The following IL4I1 variants were observed in gnomAD, a reference collection of about 807,000 sequenced individuals.
The protein encoded by IL4I1 is L-amino-acid oxidase.
Under a neutral mutation model 29.7 loss-of-function variants are expected in IL4I1, and 24 were observed. The observed-to-expected ratio is 0.81, with a 90% CI of 0.59 to 1.14. The LOEUF (loss-of-function observed/expected upper bound fraction) is 1.14. Ranked by LOEUF, IL4I1 falls within the 50% of genes most tolerant of loss-of-function variation. The pLI is 0.00. For synonymous variants in IL4I1, 371 were observed against 352.5 expected (o/e 1.05, Z -0.59); for missense variants, 686 against 785.6 (o/e 0.87, Z 1.52).
intron 2 of IL4I1, chr19:49,908,133 A>C (rs1017075889): frequency 4.6e-6 from 7 of 1,526,098 alleles, no homozygotes; most frequent in Admixed American, 2.0e-5. Flanking sequence ...TGTGAAAGAA[A>C]GAAACAAACA....
intron 2 of IL4I1, among the ~76,000 whole-genome samples, chr19:49,916,624 C>A (rs2075630660): frequency 6.6e-6 from 1 of 151,776 alleles, no homozygotes. Context: ...ATTAGCCAGG[C>A]GTGGTGGTGG....
At chr19:49,895,745 G>T in intron 3 of IL4I1, 70 bp downstream of exon 3, 3 of 1,384,858 alleles carry the variant, frequency 2.2e-6, no homozygotes, top group Non-Finnish European at 3.1e-6. Flanking sequence ...ACGCGGCCGT[G>T]TCCCTGTGCC....
At chr19:49,905,618 C>T (rs903570574) in intron 2 of IL4I1, among the ~76,000 whole-genome samples, 6 of 152,224 alleles carry the variant, frequency 3.9e-5, no homozygotes, top group Middle Eastern at 3.4e-3. Flanking sequence ...TTATTTGAGA[C>T]GAAGTTTCGC....
chr19:49,911,888 G>A (rs1300341611), intron 2 of IL4I1, among the ~76,000 whole-genome samples: 1 of 152,196 alleles, frequency 6.6e-6, no homozygotes, highest in Admixed American at 6.6e-5. Flanking sequence ...GCTGGGGCCT[G>A]GCCCGGCCTA....
rs2075175881 is a variant in IL4I1 at position 49,894,268 on chromosome 19, C to T, written c.567G>A (p.Gln189=). ...PEDIYQMALN[Q]ALKDLKALGC... is the part of the protein sequence containing the mutation. ...GGAGGAGGGTGCAGGCGGTACCCAC[C>T]TGGTTGAGAGCCATCTGGTAGATGT... is the stretch of plus-strand genomic sequence containing the variant. The change falls in exon 5 of 8, where the codon CAG becomes CAA. Residue 189 remains glutamine, a splice_region_variant and synonymous_variant. Transcript: ENST00000391826. 1 of 1,613,092 alleles carries T rather than the reference C, an allele frequency of 6.2e-7. No individual in the cohort carries two copies. The highest frequency in any genetic ancestry group is 8.5e-7 in the Non-Finnish European group (1 of 1,179,636).
intron 2 of IL4I1, among the ~76,000 whole-genome samples, chr19:49,919,684 C>T (rs530438247): frequency 6.6e-6 from 1 of 152,288 alleles, no homozygotes; most frequent in Admixed American, 6.5e-5. Context: ...GCTCTGGTCG[C>T]AGGACCAACA....
At chr19:49,919,765 G>A (rs894053328) in intron 2 of IL4I1, among the ~76,000 whole-genome samples, 2 of 151,120 alleles carry the variant, frequency 1.3e-5, no homozygotes, top group Non-Finnish European at 2.9e-5. Flanking sequence ...GCCAGAGAGA[G>A]ATTTTAAGGA....
intron 2 of IL4I1, among the ~76,000 whole-genome samples, chr19:49,925,196 G>A (rs1382788939): frequency 6.6e-6 from 1 of 152,158 alleles, no homozygotes; most frequent in Non-Finnish European, 1.5e-5. Flanking sequence ...AGGAGGCAGA[G>A]GTTGCGGTGA....
In IL4I1 at chr19:49,891,013, G is replaced by C; in HGVS notation, c.731C>G (p.Ala244Gly). ...GCAGCTGTGGGCCCGGAGGGCCTCG[G>C]CGAAGCTGAGATAGAAGAAGCCATC... Reference protein sequence around the residue: ...SEDGFFYLSFAEALRAHSCLS... With the variant: ...SEDGFFYLSFGEALRAHSCLS... The change falls in exon 7 of 8, where the codon GCC becomes GGC. Residue 244 changes from alanine to glycine, a missense_variant. Physicochemically the swap from Ala to Gly is moderately conservative, Grantham distance 60 (BLOSUM62 0). Coordinates refer to ENST00000391826, the MANE Select transcript of IL4I1 (RefSeq NM_152899.2). The C allele has an allele frequency of 6.2e-7, 1 of 1,608,028 alleles. No individual in the cohort carries two copies. Among genetic ancestry groups the C allele is most frequent in the Non-Finnish European group, 8.5e-7 (1 of 1,177,872 alleles).
At chr19:49,908,548 G>A in intron 2 of IL4I1, 1 of 1,614,170 alleles carries the variant, frequency 6.2e-7, no homozygotes, top group South Asian at 1.1e-5. Context: ...GCAGGTAGAT[G>A]GTCCCGCTCT....
At position 49,894,394 on chromosome 19, in the gene IL4I1, C is replaced by T. The variant is rs779355135; in HGVS notation, c.441G>A (p.Thr147=). The T allele has an allele frequency of 1.2e-5, 20 of 1,614,104 alleles. No homozygotes were observed. Among genetic ancestry groups the T allele is most frequent in the African/African-American group, 5.3e-5 (4 of 74,936 alleles). Residue 147 remains threonine (T), a synonymous_variant, in exon 5 of 8, where the codon ACG becomes ACA. Transcript: ENST00000391826. ...KFTQYDKNTW[T]EVHEVKLRNY... is the part of the protein sequence containing the mutation. ...TGCGCAGCTTCACTTCGTGCACCTCCGTCCACGTGTTCTTGTCGTACTGGG... is the reference window on the plus strand; with the variant it reads ...TGCGCAGCTTCACTTCGTGCACCTCTGTCCACGTGTTCTTGTCGTACTGGG...
At chr19:49,894,202 G>C in intron 5 of IL4I1, 66 bp downstream of exon 5, 1 of 1,494,926 alleles carries the variant, frequency 6.7e-7, no homozygotes, top group East Asian at 2.4e-5. Context: ...AGAAAAGCCG[G>C]GCCGGGGCGA....
chr19:49,922,789 G>A (rs911390260), intron 2 of IL4I1, among the ~76,000 whole-genome samples: 29 of 151,866 alleles, frequency 1.9e-4, no homozygotes, highest in African/African-American at 7.0e-4. Flanking sequence ...GTGTTGCTGC[G>A]GCCCCGGTGC....
At chr19:49,925,860 T>C (rs995491328) in intron 2 of IL4I1, among the ~76,000 whole-genome samples, 1 of 152,196 alleles carries the variant, frequency 6.6e-6, no homozygotes, top group African/African-American at 2.4e-5. Context: ...CCGTATTATC[T>C]TTGCAACTTT....
chr19:49,909,487 G>T, intron 2 of IL4I1: 1 of 1,614,194 alleles, frequency 6.2e-7, no homozygotes, highest in Non-Finnish European at 8.5e-7. Flanking sequence ...GGTTTGCCAT[G>T]GCTGGGGTGG....
At chr19:49,897,279 C>T (rs1002212936), upstream of IL4I1, among the ~76,000 whole-genome samples, 4 of 152,212 alleles carry the variant, frequency 2.6e-5, no homozygotes, top group Admixed American at 6.5e-5. Flanking sequence ...CCCTCCAAGT[C>T]CCTCTCCGTC....
intron 5 of IL4I1, among the ~76,000 whole-genome samples, chr19:49,891,740 G>A (rs1241367034): frequency 2.0e-5 from 3 of 152,204 alleles, no homozygotes; most frequent in African/African-American, 4.8e-5. Flanking sequence ...AGCTCATCCC[G>A]GTTGCGTGTT....
At chr19:49,895,207 G>C in intron 3 of IL4I1, 27 bp from the exon 4 acceptor site, 1 of 1,578,704 alleles carries the variant, frequency 6.3e-7, no homozygotes, top group Non-Finnish European at 8.7e-7. Flanking sequence ...GGCGAGGAGG[G>C]CCCTTCAGCT....
In IL4I1 at chr19:49,891,107, C is replaced by T. The variant is rs1345238198; in HGVS notation, c.637G>A (p.Glu213Lys). The change falls in exon 7 of 8, where the codon GAA becomes AAA. Residue 213 changes from glutamate to lysine, a missense_variant and splice_region_variant. Coordinates refer to ENST00000391826, the MANE Select transcript of IL4I1 (RefSeq NM_152899.2). ...AGGTTCCCCTCCCCGAGAAGATATT[C>T]CTGCAGGTTGGGCACAGGCCGAGGT... ...MKKFERHTLL[E>K]YLLGEGNLSR... The T allele has an allele frequency of 1.1e-5, 17 of 1,611,898 alleles. No homozygotes were observed. Among genetic ancestry groups the T allele is most frequent in the Non-Finnish European group, 1.4e-5 (17 of 1,179,296 alleles).
Sources: allele counts gnomAD v4.1 joint callset (sites outside exome capture counted in the v4.1 genomes callset), GRCh38; gene constraint gnomAD v4.1.1; transcripts MANE v1.5; gene names NCBI Gene and HGNC (gene_info 2026-07-23, HGNC 2026-07-21).